The following NOL4 variants were observed in gnomAD, a reference collection of about 807,000 sequenced individuals.
NOL4 encodes the protein nucleolar protein 4, also known as cancer/testis antigen 125.
NOL4 carries 17 observed loss-of-function variants against 75.9 expected under a neutral mutation model. The ratio of observed to expected loss-of-function variants is 0.22; its 90% CI spans 0.15 to 0.34. The LOEUF (loss-of-function observed/expected upper bound fraction) is 0.34. NOL4 is among the 10% of genes least tolerant of loss of function. The pLI is 1.00. For missense variants in NOL4, 614 were observed against 793.5 expected (o/e 0.77, Z 2.72); for synonymous variants, 292 against 289.9 (o/e 1.01, Z -0.07).
intron 1 of NOL4, among the ~76,000 whole-genome samples, chr18:34,148,241 C>G (rs569737009): frequency 6.6e-6 from 1 of 152,070 alleles, no homozygotes; most frequent in East Asian, 1.9e-4. Flanking sequence ...TTTGTTATCT[C>G]TTGTCTTCTG....
chr18:34,059,922 A>T (rs777819964), intron 5 of NOL4, among the ~76,000 whole-genome samples: 6 of 152,084 alleles, frequency 3.9e-5, no homozygotes, highest in South Asian at 2.1e-4. Context: ...TACCGAGATG[A>T]GCCTTCCAGC....
At chr18:34,147,636 T>G (rs1328114265) in intron 1 of NOL4, among the ~76,000 whole-genome samples, 2 of 152,158 alleles carry the variant, frequency 1.3e-5, no homozygotes, top group Non-Finnish European at 2.9e-5. Flanking sequence ...TATTGAGGAT[T>G]TTGGCATCAA....
chr18:33,893,057 A>G (rs920482648), intron 9 of NOL4, among the ~76,000 whole-genome samples: 2 of 152,138 alleles, frequency 1.3e-5, no homozygotes, highest in Non-Finnish European at 2.9e-5. Flanking sequence ...GACCACATAC[A>G]ATACACTAGA....
chr18:34,145,639 T>A (rs2081366434), intron 1 of NOL4, among the ~76,000 whole-genome samples: 1 of 151,692 alleles, frequency 6.6e-6, no homozygotes, highest in Non-Finnish European at 1.5e-5. Flanking sequence ...TTACTATTTT[T>A]AAAAAGGAAA....
At chr18:34,109,193 A>T (rs952503771) in intron 2 of NOL4, among the ~76,000 whole-genome samples, 45 of 152,196 alleles carry the variant, frequency 3.0e-4, no homozygotes, top group African/African-American at 1.1e-3. Flanking sequence ...TCAAACAGGG[A>T]AGTGTATAGC....
chr18:34,153,340 G>A (rs1045143362), intron 1 of NOL4, among the ~76,000 whole-genome samples: 8 of 151,774 alleles, frequency 5.3e-5, no homozygotes, highest in Non-Finnish European at 1.2e-4. Context: ...TGTACATTGA[G>A]TTTCTTTGTT....
intron 5 of NOL4, among the ~76,000 whole-genome samples, chr18:34,092,019 A>G (rs1033644176): frequency 2.6e-5 from 4 of 152,144 alleles, no homozygotes; most frequent in African/African-American, 9.7e-5. Flanking sequence ...GATGAGAGAC[A>G]TCCTCTACAT....
intron 5 of NOL4, among the ~76,000 whole-genome samples, chr18:34,028,785 G>T (rs1295601964): frequency 6.6e-6 from 1 of 152,200 alleles, no homozygotes; most frequent in Non-Finnish European, 1.5e-5. Flanking sequence ...AATTTGAAAA[G>T]TTGAAACCAC....
At chr18:34,100,445 T>C (rs1435358171) in intron 4 of NOL4, among the ~76,000 whole-genome samples, 1 of 152,172 alleles carries the variant, frequency 6.6e-6, no homozygotes, top group Admixed American at 6.5e-5. Flanking sequence ...AAACTGCTCT[T>C]GTAAAGAACA....
rs138271170 is a variant in NOL4, at chr18:33,948,272, T to C, written c.1429-5094A>G. Among the ~76,000 whole-genome samples the C allele has an allele frequency of 1.1e-3, 174 of 152,028 alleles. 4 individuals carry two copies. In the East Asian group the frequency reaches 0.033, roughly 28 times the overall value. On this transcript the variant is annotated intron_variant, in intron 8 of 10. Coordinates refer to ENST00000261592, the MANE Select transcript of NOL4 (RefSeq NM_003787.5). The stretch of plus-strand genomic sequence containing the variant: ...ATAATTCAGTAGTCAAGAGTTTAGG[T>C]AGTGTGATGAATTAAGATTATTCCT...
chr18:33,952,491 C>T (rs975526454), intron 8 of NOL4, among the ~76,000 whole-genome samples: 22 of 152,180 alleles, frequency 1.4e-4, no homozygotes, highest in Non-Finnish European at 3.2e-4. Flanking sequence ...TACATGATCA[C>T]ATATAGTACC....
intron 9 of NOL4, among the ~76,000 whole-genome samples, chr18:33,936,440 G>A (rs560906000): frequency 1.4e-4 from 19 of 137,906 alleles, no homozygotes; most frequent in African/African-American, 4.6e-4. Context: ...ACTTAGTGAT[G>A]TATAAGTTTT....
chr18:34,163,255 C>A (rs552737895), intron 1 of NOL4, among the ~76,000 whole-genome samples: 242 of 148,368 alleles, frequency 1.6e-3, no homozygotes, highest in Middle Eastern at 0.014. Context: ...ATTAGGCAGG[C>A]GAAGGAAATA....
intron 9 of NOL4, among the ~76,000 whole-genome samples, chr18:33,940,027 G>T (rs2145533624): frequency 6.6e-6 from 1 of 152,208 alleles, no homozygotes; most frequent in East Asian, 1.9e-4. Flanking sequence ...AGTTAGAATG[G>T]TGATCATTAA....
chr18:34,115,673 A>G (rs2079819950), intron 2 of NOL4, among the ~76,000 whole-genome samples: 1 of 152,082 alleles, frequency 6.6e-6, no homozygotes, highest in African/African-American at 2.4e-5. Flanking sequence ...CCTCCCCAGT[A>G]ACTTGCTTAT....
chr18:33,930,271 A>G (rs1181864391), intron 9 of NOL4, among the ~76,000 whole-genome samples: 1 of 152,088 alleles, frequency 6.6e-6, no homozygotes, highest in Non-Finnish European at 1.5e-5. Context: ...ATATAATGGA[A>G]CATCTATTAT....
chr18:33,872,594 A>C (rs2144515998), intron 10 of NOL4, among the ~76,000 whole-genome samples: 1 of 152,130 alleles, frequency 6.6e-6, no homozygotes, highest in East Asian at 1.9e-4. Context: ...TAAGGTGAGA[A>C]GAGTTGAGTT....
At chr18:34,043,267 T>C (rs1277293069) in intron 5 of NOL4, among the ~76,000 whole-genome samples, 1 of 152,110 alleles carries the variant, frequency 6.6e-6, no homozygotes, top group East Asian at 1.9e-4. Context: ...AATGTATGTA[T>C]GCAAATATGT....
chr18:34,105,936 A>G (rs766797942), intron 2 of NOL4, among the ~76,000 whole-genome samples: 1 of 147,644 alleles, frequency 6.8e-6, no homozygotes, highest in African/African-American at 2.4e-5. Context: ...CTCTCATCAA[A>G]GCAAATAATT....
Sources: allele counts gnomAD v4.1 joint callset (sites outside exome capture counted in the v4.1 genomes callset), GRCh38; gene constraint gnomAD v4.1.1; transcripts MANE v1.5; gene names NCBI Gene and HGNC (gene_info 2026-07-23, HGNC 2026-07-21).